KCTD3: variants seen among roughly 807,000 people sequenced by gnomAD.
KCTD3 encodes the protein BTB/POZ domain-containing protein KCTD3.
In KCTD3, 41 loss-of-function variants were observed where a neutral mutation model predicts 85.8. The observed-to-expected ratio is 0.48, with a 90% CI of 0.37 to 0.62. The LOEUF is 0.62. KCTD3 is among the 20% of genes least tolerant of loss of function. The pLI is 0.00. For synonymous variants in KCTD3, 338 were observed against 345.4 expected (o/e 0.98, Z 0.24); for missense variants, 724 against 989.9 (o/e 0.73, Z 3.60).
chr1:215,608,654 G>C (rs1195180120), intron 14 of KCTD3, among the ~76,000 whole-genome samples: 1 of 151,902 alleles, frequency 6.6e-6, no homozygotes, highest in Non-Finnish European at 1.5e-5. Context: ...TATAAGTTTA[G>C]TTTAGGTTTT....
chr1:215,577,472 G>A (rs534960147), intron 4 of KCTD3, among the ~76,000 whole-genome samples, 198 bp from the exon 5 acceptor site: 28 of 151,888 alleles, frequency 1.8e-4, no homozygotes, highest in African/African-American at 6.3e-4. Context: ...GTAGATAACA[G>A]AATATTTTTG....
intron 1 of KCTD3, among the ~76,000 whole-genome samples, chr1:215,571,459 ATTAG>A (rs1195543463): frequency 1.3e-5 from 2 of 151,920 alleles, no homozygotes; most frequent in African/African-American, 2.4e-5. Flanking sequence ...AACCTGTGAA[ATTAG>A]TTAGTAGTCA....
intron 13 of KCTD3, among the ~76,000 whole-genome samples, chr1:215,604,581 AC>A (rs1185200644): frequency 6.6e-5 from 10 of 152,104 alleles, no homozygotes; most frequent in Admixed American, 6.6e-4. Context: ...CCCCACCTCT[AC>A]CAAAAAAGAG....
At chr1:215,607,360 GTATC>G (rs1655070016) in intron 13 of KCTD3, among the ~76,000 whole-genome samples, 2 of 151,898 alleles carry the variant, frequency 1.3e-5, no homozygotes, top group Non-Finnish European at 2.9e-5. Flanking sequence ...TTCAAATAGA[GTATC>G]TACTCAGACA....
chr1:215,569,147 G>T (rs1368816144), intron 1 of KCTD3, among the ~76,000 whole-genome samples: 1 of 149,252 alleles, frequency 6.7e-6, no homozygotes, highest in African/African-American at 2.5e-5. Context: ...TTTTGAGACG[G>T]AGTCTTGCTC....
chr1:215,589,096 T>G (rs142387330), intron 9 of KCTD3, among the ~76,000 whole-genome samples: 19 of 152,310 alleles, frequency 1.2e-4, no homozygotes, highest in African/African-American at 3.8e-4. Flanking sequence ...AATGAGTTTT[T>G]TACATCTTTA....
At chr1:215,582,851 T>G (rs192879086) in intron 8 of KCTD3, among the ~76,000 whole-genome samples, 10 of 152,334 alleles carry the variant, frequency 6.6e-5, no homozygotes, top group African/African-American at 2.4e-4. Flanking sequence ...CGTGAGCCAC[T>G]GTGCCTGGCC....
At chr1:215,579,803 CA>C in intron 7 of KCTD3, 105 bp from the exon 8 acceptor site, 3 of 761,098 alleles carry the variant, frequency 3.9e-6, no homozygotes, top group African/African-American at 1.7e-5. Flanking sequence ...CGGCTCTTAA[CA>C]AAACTATTAA....
intron 15 of KCTD3, among the ~76,000 whole-genome samples, chr1:215,617,645 C>G (rs1655504110): frequency 6.6e-6 from 1 of 151,702 alleles, no homozygotes; most frequent in South Asian, 2.1e-4. Context: ...CCTCTCTCTT[C>G]CTACATGCAG....
At chr1:215,588,146 G>A (rs111980726) in intron 9 of KCTD3, among the ~76,000 whole-genome samples, 2 of 152,006 alleles carry the variant, frequency 1.3e-5, no homozygotes, top group African/African-American at 4.8e-5. Flanking sequence ...GGATAGTTCT[G>A]CCAAACACCC....
chr1:215,618,036 A>C, intron 15 of KCTD3: 1 of 434,010 alleles, frequency 2.3e-6, no homozygotes, highest in East Asian at 7.4e-5. Flanking sequence ...TCTTGTGAAG[A>C]TTCCCATGTA....
At chr1:215,596,598 A>G (rs1025100816) in intron 10 of KCTD3, among the ~76,000 whole-genome samples, 2 of 152,134 alleles carry the variant, frequency 1.3e-5, no homozygotes, top group African/African-American at 4.8e-5. Flanking sequence ...TTGCAAATAT[A>G]TATTAGTTAG....
intron 1 of KCTD3, among the ~76,000 whole-genome samples, chr1:215,570,467 A>G (rs1171006426): frequency 1.3e-5 from 2 of 152,196 alleles, no homozygotes; most frequent in African/African-American, 2.4e-5. Context: ...GCCTCATGCA[A>G]GAGGGCTGGG....
rs561991817 is a variant in KCTD3, at chr1:215,582,630, C to T, written c.626+2631C>T. Among the ~76,000 whole-genome samples the T allele has an allele frequency of 2.6e-5, 4 of 152,220 alleles. No homozygotes were observed. The South Asian group carries it at 6.2e-4, about 24-fold the overall frequency. On this transcript the variant is annotated intron_variant, in intron 8 of 17. Transcript: ENST00000259154. ...AGGCTAGAGTGCAGTGGCGTGATCTCGGGTCACTGCAACACCTGCCTCCTG... is the reference window on the plus strand; with the variant it reads ...AGGCTAGAGTGCAGTGGCGTGATCTTGGGTCACTGCAACACCTGCCTCCTG...
intron 1 of KCTD3, among the ~76,000 whole-genome samples, chr1:215,569,983 C>T (rs1659301218): frequency 6.6e-6 from 1 of 152,128 alleles, no homozygotes; most frequent in Non-Finnish European, 1.5e-5. Flanking sequence ...AGAATATTTT[C>T]TAGATTTGCT....
At chr1:215,601,258 C>G (rs571521992) in intron 10 of KCTD3, among the ~76,000 whole-genome samples, 1 of 150,390 alleles carries the variant, frequency 6.6e-6, no homozygotes, top group East Asian at 2.0e-4. Flanking sequence ...CCTGGAAAAA[C>G]TAATTTTTTT....
rs1655649571 is a variant in KCTD3, at chr1:215,620,684, G to A, written c.*66G>A. ...GAAAGTTAAACTTTACTGAATTTCA[G>A]TACATTAGTTTTTACACTAAAACTT... On this transcript the variant is annotated 3_prime_UTR_variant, in exon 18 of 18. Transcript: ENST00000259154. The A allele has an allele frequency of 1.7e-6, 2 of 1,153,716 alleles. No homozygotes were observed. The highest frequency in any genetic ancestry group is 2.4e-6 in the Non-Finnish European group (2 of 818,994). 71.5% of individuals were successfully genotyped at this position (1,153,716 alleles called of 1,614,324 possible). A position where few individuals can be genotyped will look rare whatever the true frequency, so the allele number is the denominator to read the frequency against.
intron 3 of KCTD3, 26 bp from the exon 4 acceptor site, chr1:215,575,875 A>T: frequency 7.6e-7 from 1 of 1,316,162 alleles, no homozygotes; most frequent in Non-Finnish European, 1.1e-6. Context: ...TGTAATTTGA[A>T]AATAAAACTG....
intron 16 of KCTD3, 40 bp downstream of exon 16, chr1:215,619,110 G>A (rs1655566591): frequency 1.9e-6 from 3 of 1,609,222 alleles, no homozygotes; most frequent in East Asian, 2.2e-5. Flanking sequence ...ACAAGGTTAA[G>A]CTTTTCACTT....
Sources: gnomAD v4.1 joint callset for allele counts (sites outside exome capture counted in the v4.1 genomes callset) on GRCh38, gnomAD v4.1.1 for gene constraint, MANE v1.5 for transcripts, NCBI Gene and HGNC (gene_info 2026-07-23, HGNC 2026-07-21) for gene names.